The following ANKFN1 variants were observed in gnomAD, a reference collection of about 807,000 sequenced individuals.
ANKFN1 encodes the protein ankyrin repeat and fibronectin type-III domain-containing protein 1.
Under a neutral mutation model 108.7 loss-of-function variants are expected in ANKFN1, and 74 were observed. The observed-to-expected ratio is 0.68, with a 90% CI of 0.56 to 0.83. The LOEUF (loss-of-function observed/expected upper bound fraction) is 0.83. Ranked by LOEUF, ANKFN1 falls within the 40% of genes least tolerant of loss-of-function variation. The pLI is 0.00. For synonymous variants in ANKFN1, 547 were observed against 516.2 expected, an observed-to-expected ratio of 1.06 and a Z score of -0.81; for missense variants, 1,505 against 1,382.3, an observed-to-expected ratio of 1.09 and a Z score of -1.41.
rs537818611 is a variant in ANKFN1 at position 56,399,527 on chromosome 17, G to A, written c.910+24813G>A. 7.9e-5 allele frequency among the ~76,000 whole-genome samples: 12 copies of A among 151,770 alleles called. No individual in the cohort carries two copies. In the East Asian group the frequency reaches 9.7e-4, roughly 12 times the overall value. ...GTTATTGGGGTACAGGTGGTATTCG[G>A]TTACATGAGTAAGTTCTTTAGTGAT... is the stretch of plus-strand genomic sequence containing the variant. On this transcript the variant is annotated intron_variant, in intron 8 of 20. Coordinates refer to ENST00000682825, the MANE Select transcript of ANKFN1 (RefSeq NM_001370326.1).
chr17:56,141,394 T>G (rs1907908357), intron 4 of ANKFN1, among the ~76,000 whole-genome samples: 2 of 152,098 alleles, frequency 1.3e-5, no homozygotes, highest in Non-Finnish European at 2.9e-5. Context: ...TTTTCTATCT[T>G]TGAAAGGGCA....
intron 4 of ANKFN1, among the ~76,000 whole-genome samples, chr17:56,072,906 C>G (rs1260290668): frequency 6.6e-6 from 1 of 152,166 alleles, no homozygotes; most frequent in East Asian, 1.9e-4. Context: ...GTATCCTGGC[C>G]AGGACCAAGA....
rs560435634 is a variant in ANKFN1 at position 56,084,365 on chromosome 17, G to T, written c.288+38040G>T. 9.9e-5 allele frequency among the ~76,000 whole-genome samples: 15 copies of T among 151,282 alleles called. No homozygotes were observed. In the East Asian group the frequency reaches 2.9e-3, roughly 29 times the overall value. ...TTCCCTTTTTTCTTTTGTAGCTTTG[G>T]CATTTAGATAAAAACCATGAAGGGT... On this transcript the variant is annotated intron_variant, in intron 4 of 12. Coordinates refer to the ANKFN1 transcript ENST00000635860.
At chr17:56,319,904 T>C (rs1462788346) in intron 3 of ANKFN1, among the ~76,000 whole-genome samples, 1 of 152,136 alleles carries the variant, frequency 6.6e-6, no homozygotes, top group East Asian at 1.9e-4. Context: ...ACTAACGAAA[T>C]GTATTATATT....
At chr17:56,099,699 G>A (rs1460297112) in intron 4 of ANKFN1, among the ~76,000 whole-genome samples, 1 of 152,222 alleles carries the variant, frequency 6.6e-6, no homozygotes, top group East Asian at 1.9e-4. Context: ...GAGGTTCCTG[G>A]TAGAGAACCA....
intron 4 of ANKFN1, among the ~76,000 whole-genome samples, chr17:56,077,173 T>G (rs1905191003): frequency 6.6e-6 from 1 of 152,176 alleles, no homozygotes; most frequent in Non-Finnish European, 1.5e-5. Flanking sequence ...GCCTTGGTCC[T>G]GAATTGGGAA....
chr17:56,304,867 C>A (rs1224545072), intron 3 of ANKFN1, among the ~76,000 whole-genome samples: 2 of 152,060 alleles, frequency 1.3e-5, no homozygotes, highest in East Asian at 3.9e-4. Context: ...CTCTTCATGT[C>A]TTTTGGCCAT....
chr17:56,487,852 A>C (rs1177159694), intron 18 of ANKFN1, among the ~76,000 whole-genome samples: 2 of 152,242 alleles, frequency 1.3e-5, no homozygotes, highest in African/African-American at 2.4e-5. Context: ...AAAGGCAGGC[A>C]GAAAAGGAAA....
intron 1 of ANKFN1, among the ~76,000 whole-genome samples, chr17:56,194,821 G>A (rs1336827689): frequency 6.6e-6 from 1 of 152,134 alleles, no homozygotes; most frequent in Non-Finnish European, 1.5e-5. Context: ...CAGGTGTGTG[G>A]GCAGAGGATA....
At chr17:56,096,887 A>G (rs190989640) in intron 4 of ANKFN1, among the ~76,000 whole-genome samples, 121 of 152,374 alleles carry the variant, frequency 7.9e-4, no homozygotes, top group African/African-American at 2.8e-3. Flanking sequence ...AGTAAGCTGG[A>G]TGAAGAAAAT....
In ANKFN1 at chr17:56,093,593, T is replaced by C. The variant is rs539109235; in HGVS notation, c.288+47268T>C. ...CTTCCTCAGTTCACTGCATGCGTTA[T>C]GAGCCACACCCATCCAAGAAGTGCT... On this transcript the variant is annotated intron_variant, in intron 4 of 12. Coordinates refer to the ANKFN1 transcript ENST00000635860. 6.7e-4 allele frequency among the ~76,000 whole-genome samples: 101 copies of C among 151,554 alleles called. 1 individual carries two copies. The highest frequency in any genetic ancestry group is 2.3e-3 in the African/African-American group (97 of 41,374).
intron 14 of ANKFN1, among the ~76,000 whole-genome samples, chr17:56,464,662 G>A (rs1294159289): frequency 6.6e-6 from 1 of 152,162 alleles, no homozygotes; most frequent in African/African-American, 2.4e-5. Flanking sequence ...ATTCCAATTA[G>A]AGCAGTAAAG....
In ANKFN1 at chr17:56,077,418, C is replaced by T. The variant is rs73993504; in HGVS notation, c.288+31093C>T. ...AAAATTCAGCTGCAACCTATGGACC[C>T]GATCTAAACCTGCCTTCCCAAATTC... On this transcript the variant is annotated intron_variant, in intron 4 of 12. Coordinates refer to the ANKFN1 transcript ENST00000635860. Among the ~76,000 whole-genome samples, 438 of 152,228 alleles carry T rather than the reference C, an allele frequency of 2.9e-3. 1 individual carries two copies. The highest frequency in any genetic ancestry group is 9.9e-3 in the African/African-American group (413 of 41,522).
intron 1 of ANKFN1, among the ~76,000 whole-genome samples, chr17:56,181,677 C>A (rs1003143402): frequency 2.6e-5 from 4 of 152,132 alleles, no homozygotes; most frequent in African/African-American, 9.7e-5. Context: ...CATGTACAAC[C>A]ATTACGTATG....
intron 3 of ANKFN1, among the ~76,000 whole-genome samples, chr17:56,280,192 G>A (rs1219063064): frequency 1.3e-5 from 2 of 151,614 alleles, no homozygotes; most frequent in African/African-American, 4.9e-5. Flanking sequence ...CGTCTTTTAT[G>A]TATAGAAATA....
chr17:56,461,510 C>A (rs181303579), intron 14 of ANKFN1, among the ~76,000 whole-genome samples: 2 of 152,170 alleles, frequency 1.3e-5, no homozygotes, highest in Non-Finnish European at 2.9e-5. Context: ...GAATCCCCTT[C>A]TTTCCTCACT....
At chr17:56,221,126 G>A (rs1031335276) in intron 2 of ANKFN1, among the ~76,000 whole-genome samples, 4 of 152,090 alleles carry the variant, frequency 2.6e-5, no homozygotes, top group East Asian at 1.9e-4. Context: ...AAGAGCAAGA[G>A]AGAGAGAGCA....
chr17:56,386,035 G>A (rs972528251), intron 8 of ANKFN1, among the ~76,000 whole-genome samples: 8 of 152,052 alleles, frequency 5.3e-5, no homozygotes, highest in Admixed American at 6.6e-5. Flanking sequence ...TGTTTATTGC[G>A]GCACTATTCA....
Position 56,457,043 on chromosome 17 carries a change from A to AT in ANKFN1, c.1307+90dup, listed in dbSNP as rs1423246246. 17 of 1,346,444 alleles carry AT rather than the reference A, an allele frequency of 1.3e-5. No homozygotes were observed. In the East Asian group the frequency reaches 1.9e-4, roughly 15 times the overall value. The allele number at this position is 1,346,444 out of a possible 1,614,324, so 83.4% of individuals were successfully genotyped here. ...GGTTCTGAGTAGAAACTTGGTAGAA[A>AT]TTTTTTTGTGTTCAAAACAATAAAA... On this transcript the variant is annotated intron_variant, in intron 12 of 20. Transcript: ENST00000682825.
Sources: allele counts gnomAD v4.1 joint callset (sites outside exome capture counted in the v4.1 genomes callset), GRCh38; gene constraint gnomAD v4.1.1; transcripts MANE v1.5; gene names NCBI Gene and HGNC (gene_info 2026-07-23, HGNC 2026-07-21).